Variants in PPP2R2D observed in about 807,000 individuals in gnomAD.
PPP2R2D encodes serine/threonine-protein phosphatase 2A 55 kDa regulatory subunit B delta isoform.
A neutral mutation model predicts 31.1 loss-of-function variants in PPP2R2D; 9 were observed. The observed-to-expected ratio is 0.29, with a 90% CI of 0.17 to 0.51. The LOEUF (loss-of-function observed/expected upper bound fraction) is 0.51, where lower values mean the gene tolerates loss of function less well. PPP2R2D is among the 20% of genes least tolerant of loss of function. PPP2R2D has a pLI of 0.98. For synonymous variants in PPP2R2D, 179 were observed against 172.6 expected (o/e 1.04, Z -0.29); for missense variants, 391 against 465.6 (o/e 0.84, Z 1.48).
At chr10:131,967,366 T>C in the PPP2R2D span, 19 of 152,380 alleles carry the variant, frequency 1.2e-4, no homozygotes, top group East Asian at 3.5e-3. Flanking sequence ...CGGAATTCCC[T>C]TGACCATCGT....
At position 131,945,510 on chromosome 10, in the gene PPP2R2D, G is replaced by A. The variant is rs371839517; in HGVS notation, c.820+51G>A. 7.1e-6 allele frequency: 11 copies of A among 1,549,372 alleles called. No homozygotes were observed. Among genetic ancestry groups the A allele is most frequent in the African/African-American group, 4.1e-5 (3 of 73,648 alleles). ...AGTCTGGCTCTGTCACCCAGGCTGC[G>A]GTGCAGTGACACAGTCTCGGCTCAC... On this transcript the variant is annotated intron_variant, in intron 7 of 8. Transcript: ENST00000455566. This position sits in a 1 kb window ranked among gnomAD's most constrained non-coding sequence, Gnocchi z 4.8.
chr10:131,940,234 T>G (rs782249518), intron 4 of PPP2R2D, 38 bp downstream of exon 4: 2 of 621,612 alleles, frequency 3.2e-6, no homozygotes, highest in South Asian at 4.6e-5. Flanking sequence ...TGATTTAGTT[T>G]TTTATTTTTA....
intron 2 of PPP2R2D, among the ~76,000 whole-genome samples, chr10:131,924,377 G>T (rs1326684760): frequency 1.3e-5 from 2 of 152,094 alleles, no homozygotes; most frequent in African/African-American, 4.8e-5. Flanking sequence ...TAAGGGTTCA[G>T]CTTTTTTCTT....
chr10:131,916,022 C>T (rs2035772262), intron 2 of PPP2R2D, among the ~76,000 whole-genome samples: 1 of 152,184 alleles, frequency 6.6e-6, no homozygotes, highest in Non-Finnish European at 1.5e-5. Context: ...TATCAGCATA[C>T]GGCTTTCTGT....
At chr10:131,907,194 T>TCA (rs1396584023) in intron 2 of PPP2R2D, among the ~76,000 whole-genome samples, 1 of 152,040 alleles carries the variant, frequency 6.6e-6, no homozygotes, top group African/African-American at 2.4e-5. Context: ...ATTTATTCAT[T>TCA]TATATTTTTT....
downstream of PPP2R2D, among the ~76,000 whole-genome samples, chr10:131,961,718 T>G (rs1371025028): frequency 6.6e-6 from 1 of 152,178 alleles, no homozygotes; most frequent in African/African-American, 2.4e-5. Flanking sequence ...CCGCCTTGTG[T>G]GCTCTGGCGC....
At chr10:131,928,610 A>G (rs1564816599) in intron 2 of PPP2R2D, among the ~76,000 whole-genome samples, 1 of 152,210 alleles carries the variant, frequency 6.6e-6, no homozygotes, top group Admixed American at 6.5e-5. Context: ...TCTGAGGCTT[A>G]GGAGAGGAAA....
At chr10:131,913,433 C>T (rs1383387899) in intron 2 of PPP2R2D, among the ~76,000 whole-genome samples, 2 of 151,992 alleles carry the variant, frequency 1.3e-5, no homozygotes, top group African/African-American at 4.8e-5. Context: ...CTCTCCTCTC[C>T]GAGTACAGCT....
chr10:131,941,553 G>A (rs1055534752), intron 5 of PPP2R2D, among the ~76,000 whole-genome samples: 5 of 152,040 alleles, frequency 3.3e-5, no homozygotes, highest in Admixed American at 6.6e-5. Flanking sequence ...GTTTGGTTGC[G>A]GGGGGTGGGT....
rs2035482082 is a variant in PPP2R2D at position 131,901,045 on chromosome 10, C to T, written c.-104C>T. On this transcript the variant is annotated 5_prime_UTR_variant, in exon 1 of 9. Coordinates refer to ENST00000455566, the MANE Select transcript of PPP2R2D (RefSeq NM_018461.5). ...CCGGCGGCGGCGGCGGCGGCGGCGG[C>T]GCCGGCGGTGGTGGCGGCCCCGGGG... The T allele has an allele frequency of 6.2e-6, 1 of 161,040 alleles. No individual in the cohort carries two copies. Among genetic ancestry groups the T allele is most frequent in the Non-Finnish European group, 1.3e-5 (1 of 76,324 alleles). 10.0% of individuals were successfully genotyped at this position (161,040 alleles called of 1,614,324 possible). A position where few individuals can be genotyped will look rare whatever the true frequency, so the allele number is the denominator to read the frequency against.
chr10:131,953,944 A>T (rs527314384), intron 8 of PPP2R2D, among the ~76,000 whole-genome samples: 1 of 152,168 alleles, frequency 6.6e-6, no homozygotes, highest in Admixed American at 6.5e-5. Flanking sequence ...ACTCTCAAAA[A>T]CACGCCAGTC....
chr10:131,914,442 T>G (rs1042704757), intron 2 of PPP2R2D, among the ~76,000 whole-genome samples: 1 of 152,228 alleles, frequency 6.6e-6, no homozygotes, highest in African/African-American at 2.4e-5. Flanking sequence ...GTACACTCAT[T>G]TTTTGGAGGG....
intron 2 of PPP2R2D, among the ~76,000 whole-genome samples, chr10:131,924,431 G>A (rs1458412350): frequency 6.6e-6 from 1 of 152,080 alleles, no homozygotes; most frequent in Non-Finnish European, 1.5e-5. Flanking sequence ...TGTTGAAATA[G>A]TATTCTTTTA....
Position 131,945,194 on chromosome 10 carries a change from C to G in PPP2R2D, c.656-101C>G. On this transcript the variant is annotated intron_variant, in intron 6 of 8. Transcript: ENST00000455566. The surrounding 1 kb of genome is among the most constrained non-coding windows in gnomAD (Gnocchi z 4.8). ...CTTCTTAATAGCTAATCCCTTAAAC[C>G]TCACTGCGTGGATTATTTGGCGTCC... 7.3e-7 allele frequency: 1 copy of G among 1,372,478 alleles called. No individual in the cohort carries two copies. Among genetic ancestry groups the G allele is most frequent in the Non-Finnish European group, 1.0e-6 (1 of 1,002,058 alleles). 85.0% of individuals were successfully genotyped at this position (1,372,478 alleles called of 1,614,324 possible).
chr10:131,933,872 G>GA (rs1312905445), intron 2 of PPP2R2D, among the ~76,000 whole-genome samples: 3 of 152,044 alleles, frequency 2.0e-5, no homozygotes, highest in African/African-American at 7.2e-5. Context: ...TGCTGTCAGA[G>GA]ATCTCAAGGC....
intron 2 of PPP2R2D, among the ~76,000 whole-genome samples, chr10:131,909,556 A>G (rs1263914168): frequency 6.6e-6 from 1 of 152,208 alleles, no homozygotes; most frequent in Admixed American, 6.5e-5. Flanking sequence ...CTCTGCCTTT[A>G]GCAGGAAGAC....
intron 5 of PPP2R2D, among the ~76,000 whole-genome samples, chr10:131,941,056 A>G (rs1472787054): frequency 1.3e-5 from 2 of 152,324 alleles, no homozygotes; most frequent in Non-Finnish European, 2.9e-5. Context: ...TCACAGGTGC[A>G]GTAGCACAGG....
chr10:131,940,883 G>A (rs2036430010), intron 5 of PPP2R2D, 189 bp downstream of exon 5: 5 of 509,912 alleles, frequency 9.8e-6, no homozygotes, highest in Non-Finnish European at 1.7e-5. Flanking sequence ...TTTTCACAAA[G>A]GCAGAAAGTC....
At chr10:131,927,689 A>G (rs1412392252) in intron 2 of PPP2R2D, among the ~76,000 whole-genome samples, 1 of 152,080 alleles carries the variant, frequency 6.6e-6, no homozygotes, top group Non-Finnish European at 1.5e-5. Flanking sequence ...CGCACATCGG[A>G]CACCCCGTTC....
Sources: allele counts gnomAD v4.1 joint callset (sites outside exome capture counted in the v4.1 genomes callset), GRCh38; gene constraint gnomAD v4.1.1; non-coding constraint Gnocchi (gnomAD v3.1); transcripts MANE v1.5; gene names NCBI Gene and HGNC (gene_info 2026-07-23, HGNC 2026-07-21).